The following MMAA variants were observed in gnomAD, a reference collection of about 807,000 sequenced individuals.
The protein encoded by MMAA is methylmalonic aciduria type A protein, mitochondrial.
In MMAA, 41 loss-of-function variants were observed where a neutral mutation model predicts 45.0. That is an observed-to-expected ratio of 0.91 (90% CI 0.71 to 1.18). The LOEUF (loss-of-function observed/expected upper bound fraction) is 1.18. MMAA is among the 50% of genes most tolerant of loss of function. The probability of loss-of-function intolerance (pLI) is 0.00; values close to 1 mark genes in which losing one functional copy is unlikely to be tolerated. For missense variants in MMAA, 460 were observed against 495.7 expected, an observed-to-expected ratio of 0.93 and a Z score of 0.68; for synonymous variants, 154 against 178.2, an observed-to-expected ratio of 0.86 and a Z score of 1.08.
intron 4 of MMAA, chr4:145,650,455 C>T (rs921136908): frequency 6.4e-5 from 10 of 156,616 alleles, no homozygotes; most frequent in African/African-American, 9.7e-5. Context: ...CCTCATCAAG[C>T]GGGGAGATTA....
At chr4:145,628,197 A>G (rs1346979465) in intron 1 of MMAA, among the ~76,000 whole-genome samples, 1 of 152,250 alleles carries the variant, frequency 6.6e-6, no homozygotes, top group Non-Finnish European at 1.5e-5. Context: ...AATTTTAAAA[A>G]TTCTGAATTT....
chr4:145,643,415 A>G (rs528969243), intron 3 of MMAA, among the ~76,000 whole-genome samples: 30 of 152,318 alleles, frequency 2.0e-4, no homozygotes, highest in Admixed American at 1.3e-4. Flanking sequence ...AGGGGTAAAT[A>G]CAAGATGCTT....
At chr4:145,630,456 C>T (rs369765582) in intron 1 of MMAA, among the ~76,000 whole-genome samples, 125 of 152,136 alleles carry the variant, frequency 8.2e-4, no homozygotes, top group African/African-American at 2.8e-3. Flanking sequence ...AGGCCGGGTG[C>T]GGTGGCTAAC....
chr4:145,622,392 C>T (rs1734106654), intron 1 of MMAA, among the ~76,000 whole-genome samples: 1 of 151,996 alleles, frequency 6.6e-6, no homozygotes, highest in Non-Finnish European at 1.5e-5. Context: ...TATAAATTAC[C>T]CAGTCTCGGG....
chr4:145,643,771 G>A (rs577464345), intron 3 of MMAA, among the ~76,000 whole-genome samples: 36 of 152,066 alleles, frequency 2.4e-4, no homozygotes, highest in African/African-American at 8.4e-4. Context: ...TTATATATAG[G>A]TGAGAAGGCC....
intron 1 of MMAA, among the ~76,000 whole-genome samples, chr4:145,630,717 A>G (rs1734320039): frequency 6.6e-6 from 1 of 152,154 alleles, no homozygotes; most frequent in South Asian, 2.1e-4. Context: ...AACAAGAGCA[A>G]AACTCCATCT....
chr4:145,655,679 C>A lies in MMAA; in HGVS notation c.*245C>A. The A allele has an allele frequency of 2.6e-6, 1 of 377,424 alleles. No homozygotes were observed. Among genetic ancestry groups the A allele is most frequent in the Admixed American group, 4.3e-5 (1 of 23,386 alleles). The allele number at this position is 377,424 out of a possible 1,614,324, so 23.4% of individuals were successfully genotyped here. A position where few individuals can be genotyped will look rare whatever the true frequency, so the allele number is the denominator to read the frequency against. On this transcript the variant is annotated 3_prime_UTR_variant, in exon 7 of 7. Transcript: ENST00000649156. ...CTCTTCTTATACCCTGGCATGGTGG[C>A]CTGTAGGGTAGTTTCTTCTTAATAG...
intron 1 of MMAA, among the ~76,000 whole-genome samples, chr4:145,632,394 T>A (rs2126612030): frequency 6.6e-6 from 1 of 152,318 alleles, no homozygotes; most frequent in Middle Eastern, 3.4e-3. Flanking sequence ...CATTGTATGT[T>A]GTTTGTTTCT....
At chr4:145,652,906 G>A (rs1728137036) in intron 5 of MMAA, among the ~76,000 whole-genome samples, 1 of 151,158 alleles carries the variant, frequency 6.6e-6, no homozygotes, top group Non-Finnish European at 1.5e-5. Context: ...GTCTCACTCT[G>A]TTTCCCAGGC....
In MMAA at chr4:145,658,790, A is replaced by C. The variant is rs1016875724; in HGVS notation, c.*3356A>C. The C allele has an allele frequency of 6.6e-6, 1 of 152,172 alleles. No individual in the cohort carries two copies. The highest frequency in any genetic ancestry group is 2.4e-5 in the African/African-American group (1 of 41,440). 9.4% of individuals were successfully genotyped at this position (152,172 alleles called of 1,614,324 possible). On this transcript the variant is annotated 3_prime_UTR_variant, in exon 7 of 7. Coordinates refer to ENST00000649156, the MANE Select transcript of MMAA (RefSeq NM_172250.3). Reference sequence around the variant, plus strand: ...AGAAGTCCTAATGCTACTGCTAAAAACTAGTAAACTACCAGTAAACTGTGA... The same window carrying C: ...AGAAGTCCTAATGCTACTGCTAAAACCTAGTAAACTACCAGTAAACTGTGA...
chr4:145,625,903 A>G, intron 1 of MMAA: 1 of 1,576,686 alleles, frequency 6.3e-7, no homozygotes, highest in South Asian at 1.1e-5. Context: ...ACCTCTCGCA[A>G]GTTATCTTTA....
chr4:145,648,158 T>TC lies in MMAA; in HGVS notation c.733+2002_733+2003insC, dbSNP rs1278546873. On this transcript the variant is annotated intron_variant, in intron 4 of 6. Transcript: ENST00000649156. ...CCACCGTGCCTGGCCTTTTTTTTTT[T>TC]TTTTTTAAAGACAGAGTCTCGCTCT... Among the ~76,000 whole-genome samples, 19 of 148,356 alleles carry TC rather than the reference T, an allele frequency of 1.3e-4. No individual in the cohort carries two copies. The South Asian group carries it at 3.0e-3, about 24-fold the overall frequency.
chr4:145,654,054 G>A lies in MMAA; in HGVS notation c.880G>A (p.Asp294Asn). 6.2e-7 allele frequency: 1 copy of A among 1,614,138 alleles called. No homozygotes were observed. The highest frequency in any genetic ancestry group is 8.5e-7 in the Non-Finnish European group (1 of 1,180,002). ...DLVAVTKSDG[D>N]LIVPARRIQA... ...GGTAGCTGTAACTAAATCTGATGGAGACTTGATTGTGCCAGCTCGAAGGAT... is the reference window on the plus strand; with the variant it reads ...GGTAGCTGTAACTAAATCTGATGGAAACTTGATTGTGCCAGCTCGAAGGAT... The change falls in exon 6 of 7, where the codon GAC becomes AAC. Residue 294 changes from aspartate (D) to asparagine (N), a missense_variant. Asp to Asn is a conservative substitution (Grantham distance 23, BLOSUM62 1). Coordinates refer to ENST00000649156, the MANE Select transcript of MMAA (RefSeq NM_172250.3).
rs934267228 is a variant in MMAA, at chr4:145,656,024, C to T, written c.*590C>T. 1 of 152,174 alleles carries T rather than the reference C, an allele frequency of 6.6e-6. No homozygotes were observed. The highest frequency in any genetic ancestry group is 1.5e-5 in the Non-Finnish European group (1 of 68,064). 9.4% of individuals were successfully genotyped at this position (152,174 alleles called of 1,614,324 possible). On this transcript the variant is annotated 3_prime_UTR_variant, in exon 7 of 7. Coordinates refer to ENST00000649156, the MANE Select transcript of MMAA (RefSeq NM_172250.3). ...TTGCAGGTACCCTTCCGCCACCCCC[C>T]AACATGATAGGTAAGAGAGCAAAAG... is the stretch of plus-strand genomic sequence containing the variant.
intron 1 of MMAA, among the ~76,000 whole-genome samples, chr4:145,634,241 G>A (rs1010148059): frequency 6.6e-6 from 1 of 152,158 alleles, no homozygotes; most frequent in Non-Finnish European, 1.5e-5. Flanking sequence ...GTGATGCTGT[G>A]TTCTACTGTG....
In MMAA at chr4:145,624,146, C is replaced by A. The variant is rs563163734; in HGVS notation, c.-66+4739C>A. On this transcript the variant is annotated intron_variant, in intron 1 of 6. Transcript: ENST00000649156. ...TAATCAGCAGAAAGGCTGCTCAACT[C>A]TTGTCCACTCCTTCACATCTGTAGA... is the stretch of plus-strand genomic sequence containing the variant. 3.1e-4 allele frequency: 344 copies of A among 1,115,380 alleles called. 4 individuals carry two copies. The East Asian group carries it at 8.0e-3, about 26-fold the overall frequency. 69.1% of individuals were successfully genotyped at this position (1,115,380 alleles called of 1,614,324 possible).
At chr4:145,654,870 G>C (rs1316578625) in intron 6 of MMAA, among the ~76,000 whole-genome samples, 1 of 152,122 alleles carries the variant, frequency 6.6e-6, no homozygotes, top group African/African-American at 2.4e-5. Flanking sequence ...CTGACCATCT[G>C]AGCAATTAAA....
chr4:145,635,161 G>A (rs1560793949), intron 1 of MMAA, among the ~76,000 whole-genome samples: 1 of 152,012 alleles, frequency 6.6e-6, no homozygotes, highest in Non-Finnish European at 1.5e-5. Context: ...CAGTCCTTGT[G>A]GCCTAGACTG....
intron 1 of MMAA, chr4:145,625,748 T>C (rs1465163797): frequency 1.5e-6 from 2 of 1,354,422 alleles, no homozygotes; most frequent in Non-Finnish European, 2.1e-6. Context: ...TGAACTGGCC[T>C]GATAACCAGT....
Sources: gnomAD v4.1 joint callset for allele counts (sites outside exome capture counted in the v4.1 genomes callset) on GRCh38, gnomAD v4.1.1 for gene constraint, MANE v1.5 for transcripts, NCBI Gene and HGNC (gene_info 2026-07-23, HGNC 2026-07-21) for gene names.